Variants in EPHB2 observed in about 807,000 individuals in gnomAD.
EPHB2 encodes EPH receptor B2, also known as ephrin type-B receptor 2.
Under a neutral mutation model 96.4 loss-of-function variants are expected in EPHB2, and 18 were observed. That is an observed-to-expected ratio of 0.19 (90% confidence interval 0.13 to 0.28). EPHB2 has a LOEUF of 0.28. Ranked by LOEUF, EPHB2 falls within the 10% of genes least tolerant of loss-of-function variation. The pLI is 1.00. For missense variants in EPHB2, 989 were observed against 1,355.4 expected (o/e 0.73, Z 4.25); for synonymous variants, 506 against 534.1 (o/e 0.95, Z 0.72).
chr1:22,801,288 G>T (rs1033569943), intron 3 of EPHB2, among the ~76,000 whole-genome samples: 1 of 152,002 alleles, frequency 6.6e-6, no homozygotes. Context: ...GTCTGTCCTC[G>T]CCAGGCCAGC....
chr1:22,906,569 G>T lies in EPHB2; in HGVS notation c.1889-141G>T. 1 of 1,315,344 alleles carries T rather than the reference G, an allele frequency of 7.6e-7. No individual in the cohort carries two copies. The highest frequency in any genetic ancestry group is 1.5e-5 in the African/African-American group (1 of 68,736). 81.5% of individuals were successfully genotyped at this position (1,315,344 alleles called of 1,614,324 possible). ...TCTGGACCCCTGACATTCTTGAAGG[G>T]GTTCTGTGTCTGCAAGGATGAGTGG... is the stretch of plus-strand genomic sequence containing the variant. On this transcript the variant is annotated intron_variant, in intron 10 of 15. Coordinates refer to ENST00000374630, the MANE Select transcript of EPHB2 (RefSeq NM_017449.5). This position sits in a 1 kb window ranked among gnomAD's most constrained non-coding sequence, Gnocchi z 4.8.
At chr1:22,804,691 C>T (rs903535032) in intron 3 of EPHB2, among the ~76,000 whole-genome samples, 7 of 152,016 alleles carry the variant, frequency 4.6e-5, no homozygotes, top group Non-Finnish European at 8.8e-5. Context: ...CACACCCTTC[C>T]CGCCCCTCCC....
chr1:22,770,197 A>C (rs1031417442), intron 1 of EPHB2, among the ~76,000 whole-genome samples: 2 of 152,092 alleles, frequency 1.3e-5, no homozygotes, highest in African/African-American at 2.4e-5. Flanking sequence ...GGATGGGTAA[A>C]TAGGTAGGTG....
intron 3 of EPHB2, among the ~76,000 whole-genome samples, chr1:22,857,850 C>T (rs188957867): frequency 3.3e-5 from 5 of 152,176 alleles, no homozygotes; most frequent in East Asian, 3.9e-4. Context: ...GACCGGCCCG[C>T]GGCTCTGCTA....
intron 3 of EPHB2, among the ~76,000 whole-genome samples, chr1:22,826,061 G>A (rs1039410832): frequency 2.6e-5 from 4 of 152,150 alleles, no homozygotes; most frequent in Non-Finnish European, 5.9e-5. Context: ...GTAACCCTGA[G>A]GGCACTGGGG....
At chr1:22,880,074 G>A (rs1281386742) in intron 5 of EPHB2, among the ~76,000 whole-genome samples, 1 of 151,834 alleles carries the variant, frequency 6.6e-6, no homozygotes, top group African/African-American at 2.4e-5. Flanking sequence ...GGCTGCAGAG[G>A]AAGGACTGGC....
intron 1 of EPHB2, among the ~76,000 whole-genome samples, chr1:22,738,640 G>A (rs1263107523): frequency 1.3e-5 from 2 of 152,164 alleles, no homozygotes; most frequent in African/African-American, 2.4e-5. Context: ...ATTCATTATC[G>A]AGCCATTCAT....
At chr1:22,829,120 T>G (rs1645266194) in intron 3 of EPHB2, among the ~76,000 whole-genome samples, 1 of 152,160 alleles carries the variant, frequency 6.6e-6, no homozygotes, top group Non-Finnish European at 1.5e-5. Context: ...TTGTGCCAGA[T>G]CCTGTGCAAA....
chr1:22,844,111 T>A lies in EPHB2; in HGVS notation c.812-18926T>A, dbSNP rs149375875. 3.3e-5 allele frequency among the ~76,000 whole-genome samples: 5 copies of A among 152,356 alleles called. No homozygotes were observed. In the East Asian group the frequency reaches 9.6e-4, roughly 29 times the overall value. ...TGAATAATGCTGCAGTGAACATACA[T>A]GTGCATGTGTCTCTGTGGTAGAACA... On this transcript the variant is annotated intron_variant, in intron 3 of 15. Transcript: ENST00000374630.
chr1:22,722,002 C>T (rs1034559702), intron 1 of EPHB2, among the ~76,000 whole-genome samples: 2 of 152,122 alleles, frequency 1.3e-5, no homozygotes, highest in African/African-American at 4.8e-5. Flanking sequence ...AGCTGGAGTG[C>T]GGTGACACTA....
chr1:22,911,507 C>T (rs141927747), intron 14 of EPHB2, among the ~76,000 whole-genome samples: 5 of 152,302 alleles, frequency 3.3e-5, no homozygotes, highest in Admixed American at 6.5e-5. Flanking sequence ...GCCTGAGAGA[C>T]GGGCTCAGCC....
intron 3 of EPHB2, among the ~76,000 whole-genome samples, chr1:22,809,349 GGGT>G (rs1262396665): frequency 1.3e-5 from 2 of 152,188 alleles, no homozygotes; most frequent in African/African-American, 4.8e-5. Context: ...GCTTAGGTTG[GGGT>G]GCAGAGATGT....
chr1:22,879,930 A>G (rs1638978185), intron 5 of EPHB2, among the ~76,000 whole-genome samples: 1 of 152,224 alleles, frequency 6.6e-6, no homozygotes, highest in Non-Finnish European at 1.5e-5. Flanking sequence ...ACCAGGGTCT[A>G]AGTCCTTCTT....
At chr1:22,838,645 A>G (rs1379879110) in intron 3 of EPHB2, among the ~76,000 whole-genome samples, 2 of 152,218 alleles carry the variant, frequency 1.3e-5, no homozygotes, top group African/African-American at 4.8e-5. Context: ...AAATGATACT[A>G]GAGGCCAGGT....
Position 22,907,935 on chromosome 1 carries a change from TC to T in EPHB2, c.2137-14del. ...CTGCTCTTCTGTTTACTCTGTGTTT[TC>T]CCCACTTCTCCCAAAGCAAAACGAT... is the stretch of plus-strand genomic sequence containing the variant. On this transcript the variant is annotated splice_polypyrimidine_tract_variant and intron_variant, in intron 11 of 15. Coordinates refer to ENST00000374630, the MANE Select transcript of EPHB2 (RefSeq NM_017449.5). 1.2e-6 allele frequency: 2 copies of T among 1,614,022 alleles called. No homozygotes were observed. Among genetic ancestry groups the T allele is most frequent in the Non-Finnish European group, 1.7e-6 (2 of 1,179,856 alleles).
chr1:22,732,351 G>A (rs1390840334), intron 1 of EPHB2, among the ~76,000 whole-genome samples: 9 of 151,840 alleles, frequency 5.9e-5, no homozygotes, highest in African/African-American at 2.2e-4. Context: ...GTGGAAACCT[G>A]GAGGCAGAGG....
chr1:22,913,872 A>C lies in EPHB2; in HGVS notation c.*302A>C, dbSNP rs1454539908. The C allele has an allele frequency of 6.3e-7, 1 of 1,595,874 alleles. No individual in the cohort carries two copies. Among genetic ancestry groups the C allele is most frequent in the Non-Finnish European group, 8.5e-7 (1 of 1,172,638 alleles). ...AATGACTGTTCTTGCGGGGGATAAA[A>C]AAGGGCTTGGGAGATTCATGCGATG... On this transcript the variant is annotated 3_prime_UTR_variant, in exon 16 of 16. Transcript: ENST00000374630. The surrounding 1 kb of genome is among the most constrained non-coding windows in gnomAD (Gnocchi z 4.1).
rs1008293651 is a variant in EPHB2 at position 22,781,465 on chromosome 1, A to G, written c.106A>G (p.Met36Val). Residue 36 changes from methionine (M) to valine (V), a missense_variant, in exon 2 of 16, where the codon ATG becomes GTG. Met to Val is a conservative substitution (Grantham distance 21). Coordinates refer to ENST00000374630, the MANE Select transcript of EPHB2 (RefSeq NM_017449.5). ...TACAGCGACTGCTGAGCTGGGCTGG[A>G]TGGTGCATCCTCCATCAGGGGTGAG... is the stretch of plus-strand genomic sequence containing the variant. ...STTATAELGWMVHPPSGWEEV... is the reference protein window; with the variant it reads ...STTATAELGWVVHPPSGWEEV... The G allele has an allele frequency of 1.2e-6, 2 of 1,614,094 alleles. No individual in the cohort carries two copies. The highest frequency in any genetic ancestry group is 1.1e-5 in the South Asian group (1 of 91,068).
chr1:22,858,975 T>C lies in EPHB2; in HGVS notation c.812-4062T>C, dbSNP rs1208482268. On this transcript the variant is annotated intron_variant, in intron 3 of 15. Coordinates refer to ENST00000374630, the MANE Select transcript of EPHB2 (RefSeq NM_017449.5). This position sits in a 1 kb window ranked among gnomAD's most constrained non-coding sequence, Gnocchi z 7.7. Reference sequence around the variant, plus strand: ...ATAAGCAAGTAATTAAAATAGGCACTGTATACAAAAAAATTAGCCCGGCGT... The same window carrying C: ...ATAAGCAAGTAATTAAAATAGGCACCGTATACAAAAAAATTAGCCCGGCGT... 2.0e-5 allele frequency among the ~76,000 whole-genome samples: 3 copies of C among 152,044 alleles called. No homozygotes were observed. Among genetic ancestry groups the C allele is most frequent in the Non-Finnish European group, 2.9e-5 (2 of 68,008 alleles).
Sources: gnomAD v4.1 joint callset for allele counts (sites outside exome capture counted in the v4.1 genomes callset) on GRCh38, gnomAD v4.1.1 for gene constraint, Gnocchi (gnomAD v3.1) non-coding constraint, MANE v1.5 for transcripts, NCBI Gene and HGNC (gene_info 2026-07-23, HGNC 2026-07-21) for gene names.